The following FRMD6 variants were observed in gnomAD, a reference collection of about 807,000 sequenced individuals.
The protein encoded by FRMD6 is FERM domain containing 6.
In FRMD6, 37 loss-of-function variants were observed where a neutral mutation model predicts 73.2. That is an observed-to-expected ratio of 0.51 (90% CI 0.39 to 0.66). The LOEUF is 0.66. Among genes scored for constraint, FRMD6 ranks in the 30% least tolerant of loss-of-function variants. The pLI is 0.00. For synonymous variants in FRMD6, 273 were observed against 282.2 expected (o/e 0.97, Z 0.33); for missense variants, 714 against 780.5 (o/e 0.91, Z 1.02).
chr14:51,580,122 T>A (rs552837267), intron 2 of FRMD6, among the ~76,000 whole-genome samples: 49 of 144,966 alleles, frequency 3.4e-4, no homozygotes, highest in Admixed American at 6.3e-4. Context: ...GGAAGTTGTG[T>A]GCACCGTGTG....
intron 1 of FRMD6, among the ~76,000 whole-genome samples, chr14:51,502,394 T>A (rs548314576): frequency 4.6e-5 from 7 of 152,270 alleles, no homozygotes; most frequent in African/African-American, 1.7e-4. Context: ...AAGGAAGGAG[T>A]CCAGTTTCAA....
At chr14:51,504,473 T>C (rs1250856235) in intron 1 of FRMD6, among the ~76,000 whole-genome samples, 1 of 152,232 alleles carries the variant, frequency 6.6e-6, no homozygotes, top group Non-Finnish European at 1.5e-5. Flanking sequence ...GTACTTTTTT[T>C]GTGCTGGCTG....
chr14:51,447,747 C>A, the FRMD6 span, among the ~76,000 whole-genome samples: 1 of 152,218 alleles, frequency 6.6e-6, no homozygotes. Context: ...TCTCCTCACT[C>A]CCCAGCTGTC....
At chr14:51,585,960 T>TATATATATATATATATAAAA (rs369811499) in intron 2 of FRMD6, among the ~76,000 whole-genome samples, 3 of 91,324 alleles carry the variant, frequency 3.3e-5, no homozygotes, top group East Asian at 4.2e-4. Flanking sequence ...TATATATATA[T>TATATATATATATATATAAAA]AACATTTTCT....
At chr14:51,610,445 C>A (rs1187117948) in intron 2 of FRMD6, among the ~76,000 whole-genome samples, 1 of 150,912 alleles carries the variant, frequency 6.6e-6, no homozygotes, top group African/African-American at 2.4e-5. Flanking sequence ...ATTTTTGTAT[C>A]CTACTTAGAA....
chr14:51,485,320 A>C (rs138614479), upstream of FRMD6, among the ~76,000 whole-genome samples: 1 of 152,296 alleles, frequency 6.6e-6, no homozygotes, highest in East Asian at 1.9e-4. Context: ...TTCTCTTCTT[A>C]GAAGAAAACT....
intron 1 of FRMD6, among the ~76,000 whole-genome samples, chr14:51,674,955 G>A (rs9323214): frequency 0.51 from 77,595 of 151,842 alleles, 19,991 homozygotes; most frequent in African/African-American, 0.57. Context: ...CTTTATTTCT[G>A]TTTCTTTTAG....
chr14:51,612,259 A>G (rs138998645), intron 2 of FRMD6, among the ~76,000 whole-genome samples: 28 of 152,324 alleles, frequency 1.8e-4, no homozygotes, highest in African/African-American at 6.5e-4. Context: ...TCAACTCTAG[A>G]TGAGACTAGA....
Position 51,652,303 on chromosome 14 carries a change from G to T in FRMD6, c.-147+307G>T, listed in dbSNP as rs550587026. ...AGGGCAGCCGAGCCCGGCAGCGGGG[G>T]AGGCGTGGAGCTCGGGGCGGCTTCA... On this transcript the variant is annotated intron_variant, in intron 1 of 13. Transcript: ENST00000344768. The T allele has an allele frequency of 3.8e-4, 58 of 152,864 alleles. No homozygotes were observed. In the East Asian group the frequency reaches 0.01, roughly 27 times the overall value. The allele number at this position is 152,864 out of a possible 1,614,324, so 9.5% of individuals were successfully genotyped here.
chr14:51,532,278 A>G (rs2140335901), intron 1 of FRMD6, among the ~76,000 whole-genome samples: 1 of 151,354 alleles, frequency 6.6e-6, no homozygotes, highest in African/African-American at 2.4e-5. Context: ...ATGAGCCAGG[A>G]GAATGGCGTG....
intron 1 of FRMD6, among the ~76,000 whole-genome samples, chr14:51,676,915 G>C (rs1241620951): frequency 6.6e-6 from 1 of 152,040 alleles, no homozygotes; most frequent in African/African-American, 2.4e-5. Context: ...TCATTCATTA[G>C]TTTTGCTTAT....
At chr14:51,536,070 T>G (rs1392974295) in intron 1 of FRMD6, among the ~76,000 whole-genome samples, 1 of 95,718 alleles carries the variant, frequency 1.0e-5, no homozygotes, top group African/African-American at 5.9e-5. Context: ...TTATATTATA[T>G]ATATATTTTA....
At chr14:51,600,997 T>TA (rs1890005252) in intron 2 of FRMD6, among the ~76,000 whole-genome samples, 1 of 152,236 alleles carries the variant, frequency 6.6e-6, no homozygotes, top group Non-Finnish European at 1.5e-5. Flanking sequence ...CAAAGATTTT[T>TA]GGGCAGCAAT....
At chr14:51,514,730 C>A (rs1324122103) in intron 1 of FRMD6, among the ~76,000 whole-genome samples, 1 of 152,100 alleles carries the variant, frequency 6.6e-6, no homozygotes, top group Non-Finnish European at 1.5e-5. Context: ...TACCTGTAAT[C>A]CCAGCTACTC....
chr14:51,594,719 T>C (rs2139759290), intron 2 of FRMD6, among the ~76,000 whole-genome samples: 1 of 152,278 alleles, frequency 6.6e-6, no homozygotes, highest in Middle Eastern at 3.4e-3. Context: ...TGCCTTGGCC[T>C]CCCAAAGTGC....
Position 51,563,671 on chromosome 14 carries a change from A to G in FRMD6, c.-209-6677A>G, listed in dbSNP as rs191718974. The stretch of plus-strand genomic sequence containing the variant: ...GGCAATAGAGCGAGATTCAGTCTCA[A>G]AAAAAAAGAATGAAGAAAAAAGCTT... On this transcript the variant is annotated intron_variant, in intron 1 of 14. Transcript: ENST00000356218. Among the ~76,000 whole-genome samples the G allele has an allele frequency of 1.1e-4, 16 of 152,240 alleles. No individual in the cohort carries two copies. The East Asian group carries it at 2.9e-3, about 28-fold the overall frequency.
chr14:51,674,946 T>C (rs1894282059), intron 1 of FRMD6, among the ~76,000 whole-genome samples: 1 of 152,172 alleles, frequency 6.6e-6, no homozygotes, highest in African/African-American at 2.4e-5. Context: ...GTTAAGTGGC[T>C]TTATTTCTGT....
upstream of FRMD6, among the ~76,000 whole-genome samples, chr14:51,649,189 CAGG>C (rs1037280863): frequency 1.3e-5 from 2 of 152,146 alleles, no homozygotes; most frequent in East Asian, 3.9e-4. Context: ...GATGATGTTA[CAGG>C]AGTTTATATA....
At chr14:51,450,328 T>C in the FRMD6 span, among the ~76,000 whole-genome samples, 3 of 152,188 alleles carry the variant, frequency 2.0e-5, no homozygotes, top group African/African-American at 7.2e-5. Context: ...AAAATTTAGA[T>C]ATTAGATAGA....
Sources: allele counts gnomAD v4.1 joint callset (sites outside exome capture counted in the v4.1 genomes callset), GRCh38; gene constraint gnomAD v4.1.1; transcripts MANE v1.5; gene names NCBI Gene and HGNC (gene_info 2026-07-23, HGNC 2026-07-21).